Variants in ADGRV1 observed in about 807,000 individuals in gnomAD.
ADGRV1 encodes adhesion G protein-coupled receptor V1.
ADGRV1 carries 359 observed loss-of-function variants against 596.2 expected under a neutral mutation model. The ratio of observed to expected loss-of-function variants is 0.60; its 90% confidence interval spans 0.55 to 0.66. The LOEUF is 0.66. Ranked by LOEUF, ADGRV1 falls within the 30% of genes least tolerant of loss-of-function variation. The pLI is 0.00. For synonymous variants in ADGRV1, 2,681 were observed against 2,679.2 expected (o/e 1.00, Z -0.02); for missense variants, 7,274 against 7,575.6 (o/e 0.96, Z 1.48).
At chr5:90,613,035 C>T (rs1246380682) in intron 1 of ADGRV1, among the ~76,000 whole-genome samples, 1 of 152,064 alleles carries the variant, frequency 6.6e-6, no homozygotes, top group Non-Finnish European at 1.5e-5. Context: ...TGAGGTGATC[C>T]TAATGCAGGA....
chr5:90,778,537 G>C lies in ADGRV1; in HGVS notation c.12777G>C (p.Val4259=). 1 of 1,612,776 alleles carries C rather than the reference G, an allele frequency of 6.2e-7. No individual in the cohort carries two copies. The highest frequency in any genetic ancestry group is 8.5e-7 in the Non-Finnish European group (1 of 1,179,330). ...CCAGCAGCACTGCCAACATCACGGT[G>C]GTGGCCAGCGACTCTCCCTATGGCC... is the stretch of plus-strand genomic sequence containing the variant. ...SESSSTANIT[V]VASDSPYGRF... The change falls in exon 63 of 90, where the codon GTG becomes GTC. Residue 4259 remains valine, a synonymous_variant. Transcript: ENST00000405460.
chr5:90,705,484 G>C lies in ADGRV1; in HGVS notation c.8471G>C (p.Gly2824Ala), dbSNP rs975296721. The change falls in exon 37 of 90, where the codon GGA becomes GCA. Residue 2824 changes from glycine to alanine, a missense_variant. By Grantham distance (60) the Gly-to-Ala change is moderately conservative. Around this residue, in one of 5 missense-constraint regions of ADGRV1, gnomAD observed 3,643 missense variants for 3,809.2 expected, o/e 0.96. Coordinates refer to ENST00000405460, the MANE Select transcript of ADGRV1 (RefSeq NM_032119.4). ...GTAGAAGCCAGTGATGAACCACATG[G>C]AGTTTTAAATTTTGCTCTTTCATCA... The part of the protein sequence containing the change: ...LTVEASDEPH[G>A]VLNFALSSRF... The C allele has an allele frequency of 6.2e-7, 1 of 1,613,864 alleles. No individual in the cohort carries two copies.
chr5:90,617,801 TA>T lies in ADGRV1; in HGVS notation c.208-2del. 1 of 1,589,362 alleles carries T rather than the reference TA, an allele frequency of 6.3e-7. No homozygotes were observed. Among genetic ancestry groups the T allele is most frequent in the African/African-American group, 1.3e-5 (1 of 74,734 alleles). ...AGAATGATCTATATTTTGCATTTGA[TA>T]GCTGTATGGAGAGGACGCTGGTGAC... is the stretch of plus-strand genomic sequence containing the variant. On this transcript the variant is annotated splice_acceptor_variant, in intron 2 of 89. Coordinates refer to ENST00000405460, the MANE Select transcript of ADGRV1 (RefSeq NM_032119.4). LOFTEE classifies it high-confidence loss of function.
At position 91,150,009 on chromosome 5, in the gene ADGRV1, C is replaced by A. The variant is rs374981005; in HGVS notation, c.18433-21C>A. 6 of 1,288,830 alleles carry A rather than the reference C, an allele frequency of 4.7e-6. No individual in the cohort carries two copies. In the Admixed American group the frequency reaches 1.1e-4, roughly 23 times the overall value. 79.8% of individuals were successfully genotyped at this position (1,288,830 alleles called of 1,614,324 possible). A position where few individuals can be genotyped will look rare whatever the true frequency, so the allele number is the denominator to read the frequency against. The stretch of plus-strand genomic sequence containing the variant: ...GTTCTTTTTCTTTTTCTTTTCTTTT[C>A]TTTTTTTTTTTTTTTTGCAGGGACT... On this transcript the variant is annotated intron_variant, in intron 87 of 89. Coordinates refer to ENST00000405460, the MANE Select transcript of ADGRV1 (RefSeq NM_032119.4).
intron 50 of ADGRV1, among the ~76,000 whole-genome samples, chr5:90,738,132 A>G (rs1468350615): frequency 1.3e-5 from 2 of 152,110 alleles, no homozygotes; most frequent in African/African-American, 2.4e-5. Context: ...AGGCTTACAT[A>G]AAACATCTTG....
At chr5:90,842,293 T>C (rs1765500549) in intron 78 of ADGRV1, among the ~76,000 whole-genome samples, 1 of 152,156 alleles carries the variant, frequency 6.6e-6, no homozygotes, top group Non-Finnish European at 1.5e-5. Context: ...TAAAAGTAGC[T>C]CCTATGGGAA....
rs1460126860 is a variant in ADGRV1 at position 90,689,235 on chromosome 5, G to C, written c.6491-626G>C. On this transcript the variant is annotated intron_variant, in intron 29 of 89. Coordinates refer to ENST00000405460, the MANE Select transcript of ADGRV1 (RefSeq NM_032119.4). The stretch of plus-strand genomic sequence containing the variant: ...TCCTAGGAATACCTGGCTGCCTGTA[G>C]AGGGCCTCACACACTGACAGATGGT... 2.0e-5 allele frequency among the ~76,000 whole-genome samples: 3 copies of C among 152,070 alleles called. No homozygotes were observed. In the East Asian group the frequency reaches 5.8e-4, roughly 29 times the overall value.
intron 83 of ADGRV1, among the ~76,000 whole-genome samples, chr5:90,895,273 A>G (rs1415497986): frequency 6.6e-6 from 1 of 152,154 alleles, no homozygotes; most frequent in African/African-American, 2.4e-5. Flanking sequence ...ATACCTTGGC[A>G]TTTGAGACAG....
intron 86 of ADGRV1, among the ~76,000 whole-genome samples, chr5:91,084,497 A>G (rs1195797929): frequency 6.6e-6 from 1 of 152,250 alleles, no homozygotes. Flanking sequence ...ATCACTGGTC[A>G]TTAGAGAAAT....
chr5:90,653,624 T>C lies in ADGRV1; in HGVS notation c.4050T>C (p.Asn1350=). The part of the protein sequence containing the change: ...VNPKYHPSRN[N]TIANFTFSAW... ...CAAAATACCATCCCTCCAGGAATAA[T>C]ACAATTGCCAACTTTACATTCTCAG... Residue 1350 remains asparagine (N), a synonymous_variant, in exon 20 of 90, where the codon AAT becomes AAC. Coordinates refer to ENST00000405460, the MANE Select transcript of ADGRV1 (RefSeq NM_032119.4). The C allele has an allele frequency of 3.1e-6, 5 of 1,613,616 alleles. No homozygotes were observed. The highest frequency in any genetic ancestry group is 4.2e-6 in the Non-Finnish European group (5 of 1,179,758).
At chr5:90,635,420 T>G in intron 10 of ADGRV1, 130 bp downstream of exon 10, 1 of 746,330 alleles carries the variant, frequency 1.3e-6, no homozygotes, top group Non-Finnish European at 2.1e-6. Context: ...AAGCCTTCAG[T>G]ATGTCATTTG....
rs368705652 is a variant in ADGRV1 at position 90,965,449 on chromosome 5, A to C, written c.17891A>C (p.Gln5964Pro). Reference protein sequence around the residue: ...LFLASAYASPQLAEESCSAMA... With the variant: ...LFLASAYASPPLAEESCSAMA... The stretch of plus-strand genomic sequence containing the variant: ...CTGGCGTCTGCATACGCAAGTCCCC[A>C]ACTCGCTGAGGAGAGCTGTTCAGCT... Residue 5964 changes from glutamine (Q) to proline (P), a missense_variant, in exon 84 of 90, where the codon CAA becomes CCA. Around this residue, in one of 5 missense-constraint regions of ADGRV1, gnomAD observed 1,874 missense variants for 1,970.2 expected, o/e 0.95. Transcript: ENST00000405460. 32 of 1,613,634 alleles carry C rather than the reference A, an allele frequency of 2.0e-5. No homozygotes were observed. The highest frequency in any genetic ancestry group is 2.6e-5 in the Non-Finnish European group (31 of 1,179,688).
chr5:90,668,515 C>A (rs1459229852), intron 21 of ADGRV1, among the ~76,000 whole-genome samples: 1 of 149,094 alleles, frequency 6.7e-6, no homozygotes. Context: ...CTGTCTGGCA[C>A]TCCCTAGTGA....
intron 83 of ADGRV1, among the ~76,000 whole-genome samples, chr5:90,920,152 A>C (rs569664108): frequency 2.1e-4 from 32 of 152,160 alleles, no homozygotes; most frequent in Non-Finnish European, 4.0e-4. Context: ...GGAAGTTCTA[A>C]ATCAAAGTGC....
At chr5:90,679,798 A>C (rs1391575056) in intron 26 of ADGRV1, among the ~76,000 whole-genome samples, 169 bp downstream of exon 26, 1 of 152,154 alleles carries the variant, frequency 6.6e-6, no homozygotes, top group Non-Finnish European at 1.5e-5. Context: ...TTCATGTTGT[A>C]GTCACCCAGC....
At chr5:90,707,339 A>G (rs975461487) in intron 38 of ADGRV1, among the ~76,000 whole-genome samples, 16 of 152,106 alleles carry the variant, frequency 1.1e-4, no homozygotes, top group Non-Finnish European at 2.4e-4. Context: ...GGATAGGGGA[A>G]GGGAAAGAGG....
chr5:91,134,803 CTCTTA>C (rs1299410963), intron 87 of ADGRV1, among the ~76,000 whole-genome samples: 7 of 152,092 alleles, frequency 4.6e-5, no homozygotes, highest in Admixed American at 3.3e-4. Flanking sequence ...AAAATATGTT[CTCTTA>C]TAAGAGTGGT....
chr5:90,729,720 C>T lies in ADGRV1; in HGVS notation c.10505C>T (p.Ala3502Val). Residue 3502 changes from alanine (A) to valine (V), a missense_variant, in exon 50 of 90, where the codon GCT becomes GTT. Ala to Val is a moderately conservative substitution (Grantham distance 64, BLOSUM62 0). Coordinates refer to ENST00000405460, the MANE Select transcript of ADGRV1 (RefSeq NM_032119.4). ...SFRYFQSVDF[A>V]AVNRIHSFTP... ...AGGTATTTTCAGTCTGTAGATTTTG[C>T]TGCTGTTAACAGAATCCACTCCTTC... The T allele has an allele frequency of 6.2e-7, 1 of 1,612,492 alleles. No individual in the cohort carries two copies. The highest frequency in any genetic ancestry group is 8.5e-7 in the Non-Finnish European group (1 of 1,178,786).
At chr5:91,038,525 A>G (rs1785085608) in intron 85 of ADGRV1, among the ~76,000 whole-genome samples, 1 of 152,218 alleles carries the variant, frequency 6.6e-6, no homozygotes, top group Non-Finnish European at 1.5e-5. Context: ...ATATGTTTAT[A>G]AAGTGTAGTT....
Sources: gnomAD v4.1 joint callset for allele counts (sites outside exome capture counted in the v4.1 genomes callset) on GRCh38, gnomAD v4.1.1 for gene constraint, gnomAD v4.1.1 regional missense constraint, MANE v1.5 for transcripts, NCBI Gene and HGNC (gene_info 2026-07-23, HGNC 2026-07-21) for gene names.